DSTN: variants seen among roughly 807,000 people sequenced by gnomAD.
The protein encoded by DSTN is destrin, actin depolymerizing factor, also known as destrin.
DSTN carries 10 observed loss-of-function variants against 16.8 expected under a neutral mutation model. That is an observed-to-expected ratio of 0.60 (90% CI 0.37 to 1.01). The LOEUF (loss-of-function observed/expected upper bound fraction) is 1.01, where lower values mean the gene tolerates loss of function less well. DSTN is among the 50% of genes least tolerant of loss of function. DSTN has a pLI of 0.01. For missense variants in DSTN, 141 were observed against 196.7 expected, an observed-to-expected ratio of 0.72 and a Z score of 1.69; for synonymous variants, 57 against 58.9, an observed-to-expected ratio of 0.97 and a Z score of 0.14.
chr20:17,591,626 A>G (rs960952224), intron 1 of DSTN, among the ~76,000 whole-genome samples: 11 of 152,210 alleles, frequency 7.2e-5, no homozygotes, highest in African/African-American at 2.4e-4. Context: ...TGTAAATACA[A>G]ACTCTCAGAC....
intron 2 of DSTN, among the ~76,000 whole-genome samples, chr20:17,603,015 G>A (rs540895180): frequency 3.3e-5 from 5 of 152,190 alleles, no homozygotes; most frequent in East Asian, 1.9e-4. Flanking sequence ...GCGAGACTCC[G>A]CCTCAAAAAA....
chr20:17,598,151 C>T (rs1048560339), intron 1 of DSTN, among the ~76,000 whole-genome samples: 3 of 152,112 alleles, frequency 2.0e-5, no homozygotes, highest in African/African-American at 7.2e-5. Flanking sequence ...TTACTATGAA[C>T]ATTTGTGTAC....
intron 1 of DSTN, among the ~76,000 whole-genome samples, chr20:17,572,927 C>G (rs1225245066): frequency 6.6e-6 from 1 of 152,200 alleles, no homozygotes; most frequent in Non-Finnish European, 1.5e-5. Flanking sequence ...TCATCCCACT[C>G]CCTTCCCTCC....
At chr20:17,574,236 C>G (rs1300962606) in intron 1 of DSTN, among the ~76,000 whole-genome samples, 1 of 152,060 alleles carries the variant, frequency 6.6e-6, no homozygotes, top group Admixed American at 6.6e-5. Flanking sequence ...ATACCAGAAC[C>G]TCATACTGAG....
intron 1 of DSTN, chr20:17,591,930 A>C: frequency 1.0e-6 from 1 of 985,380 alleles, no homozygotes. Context: ...TCTTTACCCC[A>C]GATTTTCAGT....
chr20:17,579,186 C>T (rs1192160453), intron 1 of DSTN, among the ~76,000 whole-genome samples: 2 of 152,232 alleles, frequency 1.3e-5, no homozygotes, highest in African/African-American at 4.8e-5. Flanking sequence ...AAGTTCCTGA[C>T]ACATTCTGTG....
At chr20:17,579,115 T>A (rs2122167540) in intron 1 of DSTN, among the ~76,000 whole-genome samples, 1 of 152,356 alleles carries the variant, frequency 6.6e-6, no homozygotes, top group East Asian at 1.9e-4. Context: ...GCTCAGTGTC[T>A]GGCTGCTGGG....
At chr20:17,600,634 C>T in intron 1 of DSTN, 104 bp from the exon 2 acceptor site, 1 of 1,307,658 alleles carries the variant, frequency 7.6e-7, no homozygotes, top group African/African-American at 1.5e-5. Context: ...GATGATATAC[C>T]TTTAAAATGT....
chr20:17,578,600 C>T (rs114409646), intron 1 of DSTN, among the ~76,000 whole-genome samples: 145 of 152,118 alleles, frequency 9.5e-4, no homozygotes, highest in Middle Eastern at 3.4e-3. Context: ...AAAATGAAAC[C>T]GTGGAATTTC....
At chr20:17,605,325 CT>C in intron 3 of DSTN, 1 of 351,340 alleles carries the variant, frequency 2.8e-6, no homozygotes. Flanking sequence ...CTCCATGGGC[CT>C]TGATTCTCTC....
At chr20:17,605,031 A>C (rs2035627146) in intron 3 of DSTN, 1 of 457,164 alleles carries the variant, frequency 2.2e-6, no homozygotes, top group Non-Finnish European at 4.4e-6. Flanking sequence ...AATGTACCTA[A>C]ATGAGAAAGG....
At chr20:17,593,915 C>CA (rs34372890) in intron 1 of DSTN, among the ~76,000 whole-genome samples, 59,321 of 150,942 alleles carry the variant, frequency 0.39, 12,483 homozygotes, top group East Asian at 0.64. Flanking sequence ...CTTGTCTCTA[C>CA]AAAAAAAATT....
chr20:17,587,845 G>A (rs374093705), intron 1 of DSTN, among the ~76,000 whole-genome samples: 5 of 152,238 alleles, frequency 3.3e-5, no homozygotes, highest in East Asian at 3.9e-4. Context: ...TTAATTTTAT[G>A]TGTTACTTTA....
intron 1 of DSTN, among the ~76,000 whole-genome samples, chr20:17,572,969 A>G (rs1229532090): frequency 6.6e-6 from 1 of 152,214 alleles, no homozygotes; most frequent in African/African-American, 2.4e-5. Flanking sequence ...TGTCAAAGAC[A>G]TAATATCCTG....
At chr20:17,596,437 A>G (rs2035527367) in intron 1 of DSTN, among the ~76,000 whole-genome samples, 1 of 152,164 alleles carries the variant, frequency 6.6e-6, no homozygotes, top group Non-Finnish European at 1.5e-5. Flanking sequence ...GTACTGTGCC[A>G]TATTTCCTTT....
intron 3 of DSTN, chr20:17,605,089 T>G: frequency 6.6e-6 from 3 of 456,472 alleles, no homozygotes; most frequent in South Asian, 4.6e-5. Flanking sequence ...TTTTAGGTAA[T>G]TAATTCATCT....
Position 17,600,857 on chromosome 20 carries a change from T to C in DSTN, c.123T>C (p.Ser41=), listed in dbSNP as rs1280484139. ...AGAAGGCTGTCATTTTTTGTCTCAGTGCAGACAAAAAGTGCATCATTGTAG... is the reference window on the plus strand; with the variant it reads ...AGAAGGCTGTCATTTTTTGTCTCAGCGCAGACAAAAAGTGCATCATTGTAG... The part of the protein sequence containing the change: ...KRKKAVIFCL[S]ADKKCIIVEE... Residue 41 remains serine (S), a synonymous_variant, in exon 2 of 4, where the codon AGT becomes AGC. Coordinates refer to ENST00000246069, the MANE Select transcript of DSTN (RefSeq NM_006870.4). 1 of 1,613,750 alleles carries C rather than the reference T, an allele frequency of 6.2e-7. No homozygotes were observed. The highest frequency in any genetic ancestry group is 1.7e-5 in the Admixed American group (1 of 59,988).
chr20:17,601,829 C>T (rs1228476240), intron 2 of DSTN, among the ~76,000 whole-genome samples: 2 of 152,122 alleles, frequency 1.3e-5, no homozygotes, highest in Non-Finnish European at 2.9e-5. Context: ...AAAAGTTACA[C>T]CTGGATCCCT....
chr20:17,590,634 C>T (rs535428408), intron 1 of DSTN, among the ~76,000 whole-genome samples: 1 of 152,290 alleles, frequency 6.6e-6, no homozygotes, highest in South Asian at 2.1e-4. Flanking sequence ...ATTTGTGCAG[C>T]AAACTTGGTG....
Sources: gnomAD v4.1 joint callset for allele counts (sites outside exome capture counted in the v4.1 genomes callset) on GRCh38, gnomAD v4.1.1 for gene constraint, MANE v1.5 for transcripts, NCBI Gene and HGNC (gene_info 2026-07-23, HGNC 2026-07-21) for gene names.